Variants in TOX observed in about 807,000 individuals in gnomAD.
The protein encoded by TOX is thymocyte selection associated high mobility group box, also known as thymocyte selection-associated high mobility group box protein TOX.
TOX carries 11 observed loss-of-function variants against 53.7 expected under a neutral mutation model. That is an observed-to-expected ratio of 0.20 (90% confidence interval 0.13 to 0.34). TOX has a LOEUF of 0.34. Ranked by LOEUF, TOX falls within the 10% of genes least tolerant of loss-of-function variation. TOX has a pLI of 1.00. For synonymous variants in TOX, 225 were observed against 245.3 expected (o/e 0.92, Z 0.77); for missense variants, 570 against 664.6 (o/e 0.86, Z 1.56).
intron 2 of TOX, among the ~76,000 whole-genome samples, chr8:58,958,141 T>G (rs554274880): frequency 2.6e-5 from 4 of 152,310 alleles, no homozygotes; most frequent in Non-Finnish European, 5.9e-5. Context: ...AGCACAAAAG[T>G]ATTTGGGGCT....
intron 3 of TOX, among the ~76,000 whole-genome samples, chr8:58,911,760 A>G (rs1378321440): frequency 6.6e-6 from 1 of 151,910 alleles, no homozygotes; most frequent in Non-Finnish European, 1.5e-5. Context: ...CTGGAGTGCA[A>G]TGGTGCAATC....
chr8:58,911,765 G>T (rs1346991374), intron 3 of TOX, among the ~76,000 whole-genome samples: 1 of 152,014 alleles, frequency 6.6e-6, no homozygotes, highest in Non-Finnish European at 1.5e-5. Context: ...GTGCAATGGT[G>T]CAATCTTGGC....
intron 2 of TOX, among the ~76,000 whole-genome samples, chr8:58,942,440 AACT>A (rs1812458461): frequency 6.6e-6 from 1 of 152,186 alleles, no homozygotes; most frequent in African/African-American, 2.4e-5. Flanking sequence ...CAAGAATTTT[AACT>A]ACTAAGGTTA....
chr8:58,865,231 T>C (rs1329923379), intron 3 of TOX, among the ~76,000 whole-genome samples: 2 of 152,110 alleles, frequency 1.3e-5, no homozygotes, highest in Non-Finnish European at 2.9e-5. Flanking sequence ...TGAATACATA[T>C]GTTGATTATA....
chr8:58,825,177 T>C (rs1219416616), intron 6 of TOX, among the ~76,000 whole-genome samples: 1 of 152,304 alleles, frequency 6.6e-6, no homozygotes, highest in East Asian at 1.9e-4. Context: ...TCCACTCACA[T>C]ACAACATTGG....
chr8:59,063,225 T>A (rs1036878182), intron 1 of TOX, among the ~76,000 whole-genome samples: 1 of 152,182 alleles, frequency 6.6e-6, no homozygotes, highest in Non-Finnish European at 1.5e-5. Context: ...ACTGTGCATA[T>A]GGGCTAATTC....
At chr8:58,980,679 C>G (rs1372352695) in intron 1 of TOX, among the ~76,000 whole-genome samples, 2 of 152,148 alleles carry the variant, frequency 1.3e-5, no homozygotes, top group Non-Finnish European at 2.9e-5. Flanking sequence ...CAATGTGGTC[C>G]CTGCCCTCTA....
intron 1 of TOX, among the ~76,000 whole-genome samples, chr8:59,110,011 T>A (rs2129424879): frequency 6.6e-6 from 1 of 152,300 alleles, no homozygotes; most frequent in African/African-American, 2.4e-5. Flanking sequence ...CTTAAAAGAT[T>A]AGTTTTGCAG....
At chr8:59,085,242 A>G (rs1586010129) in intron 1 of TOX, among the ~76,000 whole-genome samples, 2 of 152,236 alleles carry the variant, frequency 1.3e-5, no homozygotes, top group East Asian at 3.8e-4. Context: ...CAATGCCACA[A>G]TTTTTAGCTA....
At chr8:58,924,203 T>C (rs1048406146) in intron 3 of TOX, among the ~76,000 whole-genome samples, 6 of 152,242 alleles carry the variant, frequency 3.9e-5, no homozygotes, top group Admixed American at 3.9e-4. Context: ...CTATTTTAGG[T>C]AAAAATGCAT....
chr8:58,892,167 A>C (rs1432443901), intron 3 of TOX, among the ~76,000 whole-genome samples: 1 of 152,202 alleles, frequency 6.6e-6, no homozygotes, highest in Admixed American at 6.5e-5. Context: ...TCACAGAAAC[A>C]TGCTTACAGC....
intron 1 of TOX, among the ~76,000 whole-genome samples, chr8:59,096,168 T>C (rs1804708931): frequency 6.6e-6 from 1 of 152,240 alleles, no homozygotes; most frequent in Admixed American, 6.5e-5. Flanking sequence ...ATGTCTCTTT[T>C]ACACTTTTAT....
intron 3 of TOX, among the ~76,000 whole-genome samples, chr8:58,873,617 T>C (rs926958286): frequency 2.6e-5 from 4 of 152,132 alleles, no homozygotes; most frequent in Non-Finnish European, 4.4e-5. Context: ...AAGTTGTCTG[T>C]ATACTACAAT....
rs921672058 is a variant in TOX at position 59,109,324 on chromosome 8, T to C, written c.102+9562A>G. On this transcript the variant is annotated intron_variant, in intron 1 of 8. Coordinates refer to ENST00000361421, the MANE Select transcript of TOX (RefSeq NM_014729.3). ...TTATGGGAGAAGATTACTATGAATA[T>C]ATATTAATCTCTTCTACGACCTAGC... Among the ~76,000 whole-genome samples, 6 of 152,296 alleles carry C rather than the reference T, an allele frequency of 3.9e-5. No individual in the cohort carries two copies. The East Asian group carries it at 7.7e-4, about 20-fold the overall frequency.
At chr8:58,852,374 G>C (rs1455996470) in intron 3 of TOX, among the ~76,000 whole-genome samples, 2 of 152,178 alleles carry the variant, frequency 1.3e-5, no homozygotes, top group African/African-American at 2.4e-5. Context: ...TCAAAACACT[G>C]ATAGGCTGGT....
At position 59,119,086 on chromosome 8, in the gene TOX, C is replaced by T. The variant is rs1438650401; in HGVS notation, c.-99G>A. ...CGGAACAGAGTGAGGTGTCTGGGCT[C>T]AGGAGTAAAAGAAACACCTTCCTTC... On this transcript the variant is annotated 5_prime_UTR_variant, in exon 1 of 9. Transcript: ENST00000361421. 1 of 735,550 alleles carries T rather than the reference C, an allele frequency of 1.4e-6. No homozygotes were observed. The highest frequency in any genetic ancestry group is 2.3e-6 in the Non-Finnish European group (1 of 442,170). The allele number at this position is 735,550 out of a possible 1,614,324, so 45.6% of individuals were successfully genotyped here. A position where few individuals can be genotyped will look rare whatever the true frequency, so the allele number is the denominator to read the frequency against.
At position 58,851,409 on chromosome 8, in the gene TOX, C is replaced by A; in HGVS notation, c.693+115G>T. 8.4e-7 allele frequency: 1 copy of A among 1,188,956 alleles called. No individual in the cohort carries two copies. Among genetic ancestry groups the A allele is most frequent in the Non-Finnish European group, 1.2e-6 (1 of 842,972 alleles). The allele number at this position is 1,188,956 out of a possible 1,614,324, so 73.7% of individuals were successfully genotyped here. A position where few individuals can be genotyped will look rare whatever the true frequency, so the allele number is the denominator to read the frequency against. ...GTAACCTCATGCTTCATTAACAAAG[C>A]AGGTGTCTCCCTCCAATGTTTCTCG... is the stretch of plus-strand genomic sequence containing the variant. On this transcript the variant is annotated intron_variant, in intron 4 of 8. Transcript: ENST00000361421. The surrounding 1 kb of genome is among the most constrained non-coding windows in gnomAD (Gnocchi z 4.4).
intron 3 of TOX, among the ~76,000 whole-genome samples, chr8:58,922,493 TTTTAA>T (rs1303051037): frequency 6.6e-6 from 1 of 152,178 alleles, no homozygotes; most frequent in African/African-American, 2.4e-5. Context: ...TTAAATGACT[TTTTAA>T]TTTATTATAG....
intron 1 of TOX, among the ~76,000 whole-genome samples, chr8:59,097,840 T>C (rs1804738028): frequency 6.6e-6 from 1 of 152,232 alleles, no homozygotes; most frequent in Admixed American, 6.5e-5. Context: ...ATAAAGATTA[T>C]CTCTGGTACT....
Sources: gnomAD v4.1 joint callset for allele counts (sites outside exome capture counted in the v4.1 genomes callset) on GRCh38, gnomAD v4.1.1 for gene constraint, Gnocchi (gnomAD v3.1) non-coding constraint, MANE v1.5 for transcripts, NCBI Gene and HGNC (gene_info 2026-07-23, HGNC 2026-07-21) for gene names.